LINGO2: variants seen among roughly 807,000 people sequenced by gnomAD.
LINGO2 encodes leucine rich repeat and Ig domain containing 2.
Under a neutral mutation model 30.6 loss-of-function variants are expected in LINGO2, and 14 were observed. That is an observed-to-expected ratio of 0.46 (90% confidence interval 0.30 to 0.72). The LOEUF is 0.72. Ranked by LOEUF, LINGO2 falls within the 30% of genes least tolerant of loss-of-function variation. The pLI is 0.07. For missense variants in LINGO2, 729 were observed against 751.7 expected, an observed-to-expected ratio of 0.97 and a Z score of 0.35; for synonymous variants, 317 against 288.5, an observed-to-expected ratio of 1.10 and a Z score of -1.00.
chr9:28,941,856 T>C, the LINGO2 span, among the ~76,000 whole-genome samples: 4 of 152,144 alleles, frequency 2.6e-5, no homozygotes, highest in Non-Finnish European at 4.4e-5. Flanking sequence ...AAGATGAGGA[T>C]GGATGGAGAA....
At chr9:28,190,167 G>A (rs1325923446) in intron 4 of LINGO2, among the ~76,000 whole-genome samples, 1 of 152,072 alleles carries the variant, frequency 6.6e-6, no homozygotes, top group Non-Finnish European at 1.5e-5. Context: ...AGGCTGTCTT[G>A]TCCATACCTT....
chr9:28,947,331 T>C, the LINGO2 span, among the ~76,000 whole-genome samples: 1 of 152,084 alleles, frequency 6.6e-6, no homozygotes, highest in African/African-American at 2.4e-5. Context: ...AGCATGGCAG[T>C]GATAGAGTAG....
intron 4 of LINGO2, among the ~76,000 whole-genome samples, chr9:28,075,161 C>T (rs1825587386): frequency 6.6e-6 from 1 of 151,724 alleles, no homozygotes; most frequent in South Asian, 2.1e-4. Context: ...ATGTATGTGG[C>T]TTGAAATAGT....
At chr9:28,010,501 A>C (rs1472072660) in intron 5 of LINGO2, among the ~76,000 whole-genome samples, 1 of 152,158 alleles carries the variant, frequency 6.6e-6, no homozygotes, top group Non-Finnish European at 1.5e-5. Context: ...CTCAATGTAT[A>C]AAGCAGAGAA....
intron 4 of LINGO2, among the ~76,000 whole-genome samples, chr9:28,118,020 G>T (rs574991967): frequency 6.6e-6 from 1 of 151,878 alleles, no homozygotes; most frequent in Non-Finnish European, 1.5e-5. Flanking sequence ...TTATAAGTGG[G>T]AGCTGAAAAA....
intron 4 of LINGO2, among the ~76,000 whole-genome samples, chr9:28,234,769 C>G (rs996061344): frequency 6.6e-6 from 1 of 152,168 alleles, no homozygotes; most frequent in Non-Finnish European, 1.5e-5. Flanking sequence ...TTTTGGGACT[C>G]AGACTGGCTT....
chr9:28,189,618 AG>A lies in LINGO2; in HGVS notation c.-87+105589del, dbSNP rs1564029304. 2.4e-4 allele frequency among the ~76,000 whole-genome samples: 4 copies of A among 16,872 alleles called. 1 individual carries two copies. The highest frequency in any genetic ancestry group is 9.3e-4 in the African/African-American group (4 of 4,292). 11.1% of individuals were successfully genotyped at this position (16,872 alleles called of 152,430 possible). On this transcript the variant is annotated intron_variant, in intron 4 of 5. Coordinates refer to ENST00000379992, the Ensembl canonical transcript of LINGO2. ...AAGGAAGGGAGGAAGGAAGGGAGGGAGGGAGGAAGGGAGGGAGGAAGGAAGG... is the reference window on the plus strand; with the variant it reads ...AAGGAAGGGAGGAAGGAAGGGAGGGAGGAGGAAGGGAGGGAGGAAGGAAGG...
the LINGO2 span, among the ~76,000 whole-genome samples, chr9:28,875,355 A>T: frequency 6.6e-6 from 1 of 152,082 alleles, no homozygotes; most frequent in Non-Finnish European, 1.5e-5. Flanking sequence ...ATTTTATGTG[A>T]GAACCATTTG....
the LINGO2 span, among the ~76,000 whole-genome samples, chr9:28,777,295 T>A: frequency 6.6e-6 from 1 of 152,222 alleles, no homozygotes; most frequent in Non-Finnish European, 1.5e-5. Flanking sequence ...AAAACAATCA[T>A]TATTTCAGAA....
chr9:28,561,360 A>G (rs1372592053), intron 1 of LINGO2, among the ~76,000 whole-genome samples: 5 of 151,860 alleles, frequency 3.3e-5, no homozygotes, highest in African/African-American at 1.2e-4. Flanking sequence ...TACGAACCTG[A>G]GTATCATAGG....
At chr9:28,382,323 T>C (rs1821388510) in intron 2 of LINGO2, among the ~76,000 whole-genome samples, 1 of 152,280 alleles carries the variant, frequency 6.6e-6, no homozygotes, top group Non-Finnish European at 1.5e-5. Flanking sequence ...CAGATAAAGA[T>C]GTTCTCTCAT....
chr9:28,994,511 A>T, the LINGO2 span, among the ~76,000 whole-genome samples: 1 of 151,428 alleles, frequency 6.6e-6, no homozygotes, highest in African/African-American at 2.4e-5. Flanking sequence ...AGAATTGGAA[A>T]AAACTACTTT....
chr9:28,875,862 C>T, the LINGO2 span, among the ~76,000 whole-genome samples: 1 of 151,884 alleles, frequency 6.6e-6, no homozygotes, highest in African/African-American at 2.4e-5. Flanking sequence ...TTTATATTTC[C>T]TGGTCCTAAT....
At chr9:28,776,164 G>C in the LINGO2 span, among the ~76,000 whole-genome samples, 1 of 152,224 alleles carries the variant, frequency 6.6e-6, no homozygotes, top group Non-Finnish European at 1.5e-5. Flanking sequence ...CCTGGCTTCA[G>C]TGAGGAAACA....
chr9:28,392,379 G>C (rs1821875467), intron 2 of LINGO2, among the ~76,000 whole-genome samples: 1 of 152,186 alleles, frequency 6.6e-6, no homozygotes, highest in African/African-American at 2.4e-5. Flanking sequence ...CCTAGATCCT[G>C]TCTGTGCTAT....
chr9:28,492,440 G>A (rs895899591), intron 1 of LINGO2, among the ~76,000 whole-genome samples: 1 of 152,242 alleles, frequency 6.6e-6, no homozygotes, highest in Non-Finnish European at 1.5e-5. Flanking sequence ...TAATATAAAT[G>A]TTGCCACCGT....
intron 1 of LINGO2, among the ~76,000 whole-genome samples, chr9:28,551,980 T>C (rs1013705136): frequency 6.6e-6 from 1 of 152,148 alleles, no homozygotes; most frequent in Admixed American, 6.6e-5. Flanking sequence ...TAATCCTTTT[T>C]ATTTTTTCAG....
chr9:28,548,979 G>A (rs906218935), intron 1 of LINGO2, among the ~76,000 whole-genome samples: 1 of 151,932 alleles, frequency 6.6e-6, no homozygotes, highest in Non-Finnish European at 1.5e-5. Flanking sequence ...TGCTTTCACT[G>A]TATAGATATA....
intron 2 of LINGO2, among the ~76,000 whole-genome samples, chr9:28,460,439 TA>T (rs1440916820): frequency 7.9e-5 from 12 of 152,154 alleles, no homozygotes; most frequent in Admixed American, 2.0e-4. Context: ...TTCCCAATAC[TA>T]AAAACTCAGC....
Sources: gnomAD v4.1 joint callset for allele counts (sites outside exome capture counted in the v4.1 genomes callset) on GRCh38, gnomAD v4.1.1 for gene constraint, MANE v1.5 for transcripts, NCBI Gene and HGNC (gene_info 2026-07-23, HGNC 2026-07-21) for gene names.